The following TENM4 variants were observed in gnomAD, a reference collection of about 807,000 sequenced individuals.
TENM4 encodes the protein teneurin transmembrane protein 4.
A neutral mutation model predicts 243.3 loss-of-function variants in TENM4; 82 were observed. That is an observed-to-expected ratio of 0.34 (90% confidence interval 0.28 to 0.40). TENM4 has a LOEUF of 0.40. Among genes scored for constraint, TENM4 ranks in the 10% least tolerant of loss-of-function variants. TENM4 has a pLI of 1.00. For missense variants in TENM4, 3,138 were observed against 3,673.3 expected (o/e 0.85, Z 3.77); for synonymous variants, 1,412 against 1,456.3 (o/e 0.97, Z 0.69).
intron 6 of TENM4, among the ~76,000 whole-genome samples, chr11:78,921,610 G>A (rs1293053537): frequency 6.6e-6 from 1 of 152,304 alleles, no homozygotes; most frequent in Middle Eastern, 3.4e-3. Flanking sequence ...GGGGAATCCT[G>A]CTTTCCCAGT....
intron 6 of TENM4, among the ~76,000 whole-genome samples, chr11:78,995,894 A>G (rs937868471): frequency 6.6e-6 from 1 of 152,064 alleles, no homozygotes; most frequent in Admixed American, 6.6e-5. Context: ...ACAATGGGGG[A>G]TAAGAAAACC....
chr11:79,112,127 C>T (rs539058679), intron 4 of TENM4, among the ~76,000 whole-genome samples: 14 of 152,220 alleles, frequency 9.2e-5, no homozygotes, highest in East Asian at 3.9e-4. Flanking sequence ...GAACACGTTC[C>T]GCCATCAGCA....
chr11:79,373,934 A>G (rs1164050702), intron 1 of TENM4, among the ~76,000 whole-genome samples: 1 of 152,186 alleles, frequency 6.6e-6, no homozygotes, highest in African/African-American at 2.4e-5. Flanking sequence ...GGCAGAGGAA[A>G]GCAAGTGTTC....
chr11:78,848,730 C>T (rs1239983501), intron 12 of TENM4, among the ~76,000 whole-genome samples: 1 of 152,112 alleles, frequency 6.6e-6, no homozygotes, highest in African/African-American at 2.4e-5. Context: ...TTAATCTGGA[C>T]TATGAGCTAC....
Position 78,676,281 on chromosome 11 carries a change from G to T in TENM4, c.5367C>A (p.Gly1789=), listed in dbSNP as rs770393076. 6.2e-7 allele frequency: 1 copy of T among 1,612,800 alleles called. No homozygotes were observed. The highest frequency in any genetic ancestry group is 1.1e-5 in the South Asian group (1 of 91,024). ...ALQTEPHLLA[G]TVNPTVGKRN... is the part of the protein sequence containing the mutation. ...TCTTGCCCACGGTGGGGTTGACGGT[G>T]CCAGCCAGCAAGTGGGGCTCAGTCT... The change falls in exon 30 of 34, where the codon GGC becomes GGA. Residue 1789 remains glycine, a synonymous_variant. Transcript: ENST00000278550.
At chr11:78,997,177 A>G (rs1222211339) in intron 6 of TENM4, among the ~76,000 whole-genome samples, 1 of 152,226 alleles carries the variant, frequency 6.6e-6, no homozygotes, top group African/African-American at 2.4e-5. Context: ...GGTACATGGT[A>G]AATGCTCAAT....
chr11:78,805,142 G>A (rs1253024201), intron 15 of TENM4, 150 bp downstream of exon 15: 2 of 589,468 alleles, frequency 3.4e-6, no homozygotes, highest in Non-Finnish European at 5.9e-6. Context: ...GAGTAGAGGT[G>A]TTGAAGGCTA....
intron 12 of TENM4, among the ~76,000 whole-genome samples, chr11:78,846,688 C>A (rs542962791): frequency 4.7e-5 from 7 of 149,388 alleles, no homozygotes; most frequent in African/African-American, 1.7e-4. Flanking sequence ...TTCGCTTACC[C>A]TAACTTACTA....
At chr11:78,947,587 T>C (rs942681295) in intron 6 of TENM4, among the ~76,000 whole-genome samples, 1 of 152,246 alleles carries the variant, frequency 6.6e-6, no homozygotes, top group African/African-American at 2.4e-5. Context: ...GTTTTATGCC[T>C]TAGCTATAAA....
intron 4 of TENM4, among the ~76,000 whole-genome samples, chr11:79,134,849 T>C (rs1862076787): frequency 6.6e-6 from 1 of 152,174 alleles, no homozygotes; most frequent in Non-Finnish European, 1.5e-5. Context: ...CAACTCAAGA[T>C]GGATTAAGGA....
At chr11:79,236,758 C>T (rs1179274646) in intron 2 of TENM4, among the ~76,000 whole-genome samples, 3 of 152,250 alleles carry the variant, frequency 2.0e-5, no homozygotes, top group Non-Finnish European at 2.9e-5. Context: ...TCCCTTGCGG[C>T]GAGACCCAAG....
chr11:79,107,319 A>C (rs1861396904), intron 4 of TENM4, among the ~76,000 whole-genome samples: 2 of 152,248 alleles, frequency 1.3e-5, no homozygotes, highest in South Asian at 2.1e-4. Context: ...TGGCATTAAT[A>C]GGAAAAAATA....
chr11:79,251,821 A>C (rs183249001), intron 2 of TENM4, among the ~76,000 whole-genome samples: 2,634 of 152,192 alleles, frequency 0.017, 29 homozygotes, highest in Middle Eastern at 0.075. Context: ...TGAAAAAAAA[A>C]CATTATCACT....
At chr11:79,224,118 G>T (rs947585309) in intron 2 of TENM4, among the ~76,000 whole-genome samples, 3 of 152,202 alleles carry the variant, frequency 2.0e-5, no homozygotes, top group African/African-American at 7.2e-5. Context: ...ATTGCCCATA[G>T]AAGATGTGGA....
chr11:78,945,091 G>A (rs185025749), intron 6 of TENM4, among the ~76,000 whole-genome samples: 7 of 152,224 alleles, frequency 4.6e-5, no homozygotes, highest in Non-Finnish European at 1.0e-4. Flanking sequence ...TCAAAACAAC[G>A]ATTCTCTATA....
At chr11:79,102,208 C>T (rs897606928) in intron 4 of TENM4, among the ~76,000 whole-genome samples, 1 of 152,152 alleles carries the variant, frequency 6.6e-6, no homozygotes, top group Admixed American at 6.5e-5. Context: ...AATGTTAGTA[C>T]AATATAGGCT....
intron 10 of TENM4, 106 bp downstream of exon 10, chr11:78,862,856 G>T: frequency 8.6e-7 from 1 of 1,166,744 alleles, no homozygotes; most frequent in Non-Finnish European, 1.1e-6. Flanking sequence ...GAGCGCCAGA[G>T]CATGGAGCTG....
At chr11:79,106,692 C>T (rs976644659) in intron 4 of TENM4, among the ~76,000 whole-genome samples, 4 of 152,162 alleles carry the variant, frequency 2.6e-5, no homozygotes, top group Non-Finnish European at 5.9e-5. Flanking sequence ...ATGGGAAAAC[C>T]GAGGTTCAGA....
intron 1 of TENM4, among the ~76,000 whole-genome samples, chr11:79,350,978 A>G (rs1044779684): frequency 1.2e-4 from 18 of 151,490 alleles, no homozygotes; most frequent in Non-Finnish European, 2.4e-4. Context: ...CTCAGACCTC[A>G]CTGCCTTCCT....
Sources: allele counts gnomAD v4.1 joint callset (sites outside exome capture counted in the v4.1 genomes callset), GRCh38; gene constraint gnomAD v4.1.1; transcripts MANE v1.5; gene names NCBI Gene and HGNC (gene_info 2026-07-23, HGNC 2026-07-21).